Variants in MCPH1 observed in about 807,000 individuals in gnomAD.
MCPH1 encodes the protein microcephalin.
In MCPH1, 104 loss-of-function variants were observed where a neutral mutation model predicts 84.5. The observed-to-expected ratio is 1.23, with a 90% CI of 1.05 to 1.45. The LOEUF is 1.45. MCPH1 is among the 40% of genes most tolerant of loss of function. MCPH1 has a pLI of 0.00. For synonymous variants in MCPH1, 514 were observed against 366.8 expected (o/e 1.40, Z -4.58); for missense variants, 1,498 against 1,005.7 (o/e 1.49, Z -6.62).
chr8:6,610,171 A>G (rs1352061660), intron 12 of MCPH1, among the ~76,000 whole-genome samples: 1 of 152,074 alleles, frequency 6.6e-6, no homozygotes, highest in Non-Finnish European at 1.5e-5. Context: ...TTAAATGCTC[A>G]TGCTTCTGGT....
chr8:6,609,356 G>T (rs1830048218), intron 12 of MCPH1, among the ~76,000 whole-genome samples: 1 of 152,196 alleles, frequency 6.6e-6, no homozygotes. Flanking sequence ...ATTTCTCGCA[G>T]TTGTTGAAAA....
intron 12 of MCPH1, among the ~76,000 whole-genome samples, chr8:6,613,083 G>A (rs1830430925): frequency 6.6e-6 from 1 of 152,186 alleles, no homozygotes; most frequent in Non-Finnish European, 1.5e-5. Context: ...CCTTCCATAT[G>A]GGGGTTCCTC....
chr8:6,427,618 A>C (rs1185241629), intron 3 of MCPH1, among the ~76,000 whole-genome samples: 1 of 151,978 alleles, frequency 6.6e-6, no homozygotes, highest in Non-Finnish European at 1.5e-5. Flanking sequence ...GACCTCAAAC[A>C]GTCCTCCTAC....
intron 12 of MCPH1, among the ~76,000 whole-genome samples, chr8:6,505,392 T>C (rs1178706299): frequency 0.022 from 1,635 of 74,018 alleles, 87 homozygotes; most frequent in African/African-American, 0.031. Context: ...TTTCTATATG[T>C]ATATAGAATA....
At chr8:6,485,539 T>A (rs1312176329) in intron 11 of MCPH1, among the ~76,000 whole-genome samples, 1 of 150,794 alleles carries the variant, frequency 6.6e-6, no homozygotes, top group Non-Finnish European at 1.5e-5. Context: ...AAAAAAAAAA[T>A]GAAAAGAATT....
intron 13 of MCPH1, chr8:6,622,282 G>C (rs1241243867): frequency 1.2e-5 from 2 of 166,090 alleles, no homozygotes; most frequent in African/African-American, 4.8e-5. Context: ...GGGAGGAAGA[G>C]GTGGTAGGAG....
At chr8:6,545,582 T>C (rs1029883089) in intron 12 of MCPH1, among the ~76,000 whole-genome samples, 5 of 152,236 alleles carry the variant, frequency 3.3e-5, no homozygotes, top group Admixed American at 2.6e-4. Flanking sequence ...AGGGTTAAAA[T>C]GTATATTCGT....
chr8:6,612,160 T>C (rs560053171), intron 12 of MCPH1, among the ~76,000 whole-genome samples: 12 of 152,228 alleles, frequency 7.9e-5, no homozygotes, highest in Non-Finnish European at 1.8e-4. Flanking sequence ...GCTCGGGGAA[T>C]TCCAAGGGTT....
At chr8:6,501,456 A>C (rs1317216295) in intron 12 of MCPH1, 3 of 152,052 alleles carry the variant, frequency 2.0e-5, no homozygotes, top group Admixed American at 6.6e-5. Context: ...ATTAGTATTA[A>C]TTGTACTATG....
At position 6,436,067 on chromosome 8, in the gene MCPH1, A is replaced by G; in HGVS notation, c.341A>G (p.Lys114Arg). 1 of 1,613,826 alleles carries G rather than the reference A, an allele frequency of 6.2e-7. No homozygotes were observed. Among genetic ancestry groups the G allele is most frequent in the Non-Finnish European group, 8.5e-7 (1 of 1,179,844 alleles). The change falls in exon 5 of 14, where the codon AAA (lysine) becomes AGA (arginine). Residue 114 changes from lysine to arginine, a missense_variant. Transcript: ENST00000344683. Reference sequence around the variant, plus strand: ...GCACAGCGTAAATGTATGCAGCCCAAAGATTTTAATTTTAAAACACCAGAA... The same window carrying G: ...GCACAGCGTAAATGTATGCAGCCCAGAGATTTTAATTTTAAAACACCAGAA... Reference protein sequence around the residue: ...IKKKRKCMQPKDFNFKTPEND... With the variant: ...IKKKRKCMQPRDFNFKTPEND...
intron 12 of MCPH1, among the ~76,000 whole-genome samples, chr8:6,531,447 C>T (rs2129571636): frequency 6.6e-6 from 1 of 152,140 alleles, no homozygotes; most frequent in South Asian, 2.1e-4. Flanking sequence ...CGCCACCACA[C>T]CTGGCTAATT....
At chr8:6,587,660 T>C (rs1457557386) in intron 12 of MCPH1, among the ~76,000 whole-genome samples, 1 of 152,214 alleles carries the variant, frequency 6.6e-6, no homozygotes, top group African/African-American at 2.4e-5. Context: ...TATTGTGGTC[T>C]CAAAAAGTTC....
intron 12 of MCPH1, among the ~76,000 whole-genome samples, chr8:6,608,063 C>G (rs952529210): frequency 2.0e-5 from 3 of 152,162 alleles, no homozygotes; most frequent in Admixed American, 6.5e-5. Flanking sequence ...GTGCTCACCT[C>G]CAGCAAGGTG....
intron 12 of MCPH1, among the ~76,000 whole-genome samples, chr8:6,599,917 A>G (rs747446722): frequency 1.3e-5 from 2 of 152,256 alleles, no homozygotes; most frequent in South Asian, 2.1e-4. Flanking sequence ...CTTCAATGCA[A>G]TTACTAATTC....
At chr8:6,499,493 C>A (rs1441449855) in intron 11 of MCPH1, among the ~76,000 whole-genome samples, 1 of 152,000 alleles carries the variant, frequency 6.6e-6, no homozygotes, top group African/African-American at 2.4e-5. Flanking sequence ...TAATAAAAGT[C>A]TGGAATATTT....
chr8:6,647,989 T>C lies in MCPH1; in HGVS notation c.*4940T>C, dbSNP rs1481771233. 1.3e-5 allele frequency: 2 copies of C among 152,134 alleles called. No homozygotes were observed. Among genetic ancestry groups the C allele is most frequent in the Non-Finnish European group, 1.5e-5 (1 of 68,016 alleles). The allele number at this position is 152,134 out of a possible 1,614,324, so 9.4% of individuals were successfully genotyped here. A position where few individuals can be genotyped will look rare whatever the true frequency, so the allele number is the denominator to read the frequency against. On this transcript the variant is annotated 3_prime_UTR_variant, in exon 14 of 14. Coordinates refer to ENST00000344683, the MANE Select transcript of MCPH1 (RefSeq NM_024596.5). ...GCCCCAGGGCAATAGCTCTCAGATC[T>C]CCCTTAGAGAAAGAACTTTCTCTTC...
At chr8:6,517,712 T>C (rs1023780874) in intron 12 of MCPH1, among the ~76,000 whole-genome samples, 1 of 151,394 alleles carries the variant, frequency 6.6e-6, no homozygotes, top group Non-Finnish European at 1.5e-5. Context: ...AGGCTGAGGG[T>C]ATCATTGTTC....
intron 12 of MCPH1, among the ~76,000 whole-genome samples, chr8:6,518,029 C>T (rs1293197843): frequency 5.3e-5 from 8 of 152,118 alleles, no homozygotes; most frequent in Non-Finnish European, 7.3e-5. Context: ...CTCATATAAT[C>T]CCAGAGTACT....
intron 12 of MCPH1, among the ~76,000 whole-genome samples, chr8:6,545,469 C>G (rs1822415992): frequency 6.6e-6 from 1 of 152,190 alleles, no homozygotes; most frequent in Non-Finnish European, 1.5e-5. Flanking sequence ...CAGTTTTCAT[C>G]TAGGAGCACC....
Sources: allele counts gnomAD v4.1 joint callset (sites outside exome capture counted in the v4.1 genomes callset), GRCh38; gene constraint gnomAD v4.1.1; transcripts MANE v1.5; gene names NCBI Gene and HGNC (gene_info 2026-07-23, HGNC 2026-07-21).